Variants in C1orf167 observed in about 807,000 individuals in gnomAD.
The protein encoded by C1orf167 is uncharacterized protein C1orf167.
In C1orf167, 153 loss-of-function variants were observed where a neutral mutation model predicts 176.5. The ratio of observed to expected loss-of-function variants is 0.87; its 90% CI spans 0.76 to 0.99. C1orf167 has a LOEUF of 0.99. Ranked by LOEUF, C1orf167 falls within the 50% of genes least tolerant of loss-of-function variation. C1orf167 has a pLI of 0.00. For synonymous variants in C1orf167, 594 were observed against 752.7 expected (o/e 0.79, Z 3.45); for missense variants, 1,490 against 1,817.7 (o/e 0.82, Z 3.28).
At chr1:11,788,999 GCATGGCTGCCACTCA>G (rs1208552738) in intron 20 of C1orf167, 2 of 383,970 alleles carry the variant, frequency 5.2e-6, no homozygotes, top group African/African-American at 4.2e-5. Context: ...GTGGCATGAG[GCATGGCTGCCACTCA>G]CACTAGCCCA....
chr1:11,764,386 C>T lies in C1orf167; in HGVS notation c.-15C>T. The T allele has an allele frequency of 7.8e-7, 1 of 1,289,196 alleles. No individual in the cohort carries two copies. The highest frequency in any genetic ancestry group is 1.0e-6 in the Non-Finnish European group (1 of 988,644). 79.9% of individuals were successfully genotyped at this position (1,289,196 alleles called of 1,614,324 possible). ...CACTGTGGAGTGGACCAAGGATACT[C>T]CTGTCCCTGAGCCCATGGAGCTAAG... On this transcript the variant is annotated 5_prime_UTR_variant, in exon 2 of 21. Coordinates refer to ENST00000688073, the MANE Select transcript of C1orf167 (RefSeq NM_001010881.2).
In C1orf167 at chr1:11,789,397, C is replaced by G. The variant is rs369053847; in HGVS notation, c.4301C>G (p.Pro1434Arg). 2 of 1,303,002 alleles carry G rather than the reference C, an allele frequency of 1.5e-6. No individual in the cohort carries two copies. The highest frequency in any genetic ancestry group is 2.0e-6 in the Non-Finnish European group (2 of 988,636). The allele number at this position is 1,303,002 out of a possible 1,614,324, so 80.7% of individuals were successfully genotyped here. A position where few individuals can be genotyped will look rare whatever the true frequency, so the allele number is the denominator to read the frequency against. Reference sequence around the variant, plus strand: ...AGTGGACAGGAAGCCGCCAGAGCACCGCGGGGTTGGGGGCTTGGGGCAGAG... The same window carrying G: ...AGTGGACAGGAAGCCGCCAGAGCACGGCGGGGTTGGGGGCTTGGGGCAGAG... Reference protein sequence around the residue: ...PESGQEAARAPRGWGLGAEHG... With the variant: ...PESGQEAARARRGWGLGAEHG... The change falls in exon 21 of 21, where the codon CCG becomes CGG. Residue 1434 changes from proline to arginine, a missense_variant. Coordinates refer to ENST00000688073, the MANE Select transcript of C1orf167 (RefSeq NM_001010881.2).
Position 11,772,149 on chromosome 1 carries a change from C to T in C1orf167, c.1878C>T (p.Thr626=). The T allele has an allele frequency of 7.7e-7, 1 of 1,304,328 alleles. No individual in the cohort carries two copies. Among genetic ancestry groups the T allele is most frequent in the Non-Finnish European group, 1.0e-6 (1 of 988,954 alleles). The allele number at this position is 1,304,328 out of a possible 1,614,324, so 80.8% of individuals were successfully genotyped here. A position where few individuals can be genotyped will look rare whatever the true frequency, so the allele number is the denominator to read the frequency against. The change falls in exon 8 of 21, where the codon ACC becomes ACT. Residue 626 remains threonine (T), a synonymous_variant. Coordinates refer to ENST00000688073, the MANE Select transcript of C1orf167 (RefSeq NM_001010881.2). ...AGAGGGAGACTCTGCGGAAGGCCAC[C>T]AGGGCCACACAGAGGACAGGGAGCT... ...RQERETLRKA[T]RATQRTGSFP...
rs980098073 is a variant in C1orf167 at position 11,779,901 on chromosome 1, C to T, written c.2751C>T (p.Gly917=). Residue 917 remains glycine, a synonymous_variant, in exon 13 of 21, where the codon GGC becomes GGT. Transcript: ENST00000688073. ...AWDRTCRAVL[G]LWRQRLLQSR... ...ATCGGACCTGCAGGGCTGTGCTGGG[C>T]CTGTGGCGTCAGCGGCTGCTGCAGT... 1.5e-6 allele frequency: 2 copies of T among 1,302,986 alleles called. No individual in the cohort carries two copies. Among genetic ancestry groups the T allele is most frequent in the Non-Finnish European group, 2.0e-6 (2 of 988,812 alleles). The allele number at this position is 1,302,986 out of a possible 1,614,324, so 80.7% of individuals were successfully genotyped here.
chr1:11,784,409 G>A lies in C1orf167; in HGVS notation c.3241G>A (p.Ala1081Thr), dbSNP rs1643743441. The A allele has an allele frequency of 7.7e-7, 1 of 1,303,812 alleles. No individual in the cohort carries two copies. Among genetic ancestry groups the A allele is most frequent in the Non-Finnish European group, 1.0e-6 (1 of 988,860 alleles). The allele number at this position is 1,303,812 out of a possible 1,614,324, so 80.8% of individuals were successfully genotyped here. Residue 1081 changes from alanine (A) to threonine (T), a missense_variant, in exon 15 of 21, where the codon GCC becomes ACC. Transcript: ENST00000688073. ...AGATGGGCAGCAGAAGAAGGCCCGG[G>A]CCCCACAGGCCTTCCCAGCATGGCC... Reference protein sequence around the residue: ...QEDGQQKKARAPQAFPAWPVA... With the variant: ...QEDGQQKKARTPQAFPAWPVA...
chr1:11,787,771 TTCCTCCACCC>T (rs1379437783), intron 17 of C1orf167, 92 bp from the exon 18 acceptor site: 1 of 1,170,834 alleles, frequency 8.5e-7, no homozygotes, highest in African/African-American at 1.6e-5. Flanking sequence ...GCTCAGCACC[TTCCTCCACCC>T]TCCTCACTGT....
At chr1:11,763,036 T>G (rs984484681) in intron 1 of C1orf167, among the ~76,000 whole-genome samples, 1 of 151,812 alleles carries the variant, frequency 6.6e-6, no homozygotes, top group Non-Finnish European at 1.5e-5. Context: ...GGCGCTGAGG[T>G]GAGGTCGTGT....
chr1:11,782,178 TC>T lies in C1orf167; in HGVS notation c.2861-10del. 1 of 1,265,696 alleles carries T rather than the reference TC, an allele frequency of 7.9e-7. No homozygotes were observed. The highest frequency in any genetic ancestry group is 1.0e-6 in the Non-Finnish European group (1 of 970,560). The allele number at this position is 1,265,696 out of a possible 1,614,324, so 78.4% of individuals were successfully genotyped here. On this transcript the variant is annotated splice_polypyrimidine_tract_variant and intron_variant, in intron 13 of 20. Transcript: ENST00000688073. ...GCACCCAGTGGCTCTTCAGCATCTC[TC>T]TGGCCCCAGGGCAGCAGTTCCTGCA...
At chr1:11,780,110 C>A in intron 13 of C1orf167, 100 bp downstream of exon 13, 1 of 914,034 alleles carries the variant, frequency 1.1e-6, no homozygotes, top group Non-Finnish European at 1.5e-6. Flanking sequence ...ACTGTAACCG[C>A]ATGGGAGAAC....
rs965098573 is a variant in C1orf167 at position 11,789,368 on chromosome 1, C to T, written c.4272C>T (p.Pro1424=). ...GGAGCAAGCCAGGCCCCAAGGGCCC[C>T]GAGAGTGGACAGGAAGCCGCCAGAG... ...RPWSKPGPKG[P]ESGQEAARAP... The change falls in exon 21 of 21, where the codon CCC becomes CCT. Residue 1424 remains proline (P), a synonymous_variant. Coordinates refer to ENST00000688073, the MANE Select transcript of C1orf167 (RefSeq NM_001010881.2). 7 of 1,303,546 alleles carry T rather than the reference C, an allele frequency of 5.4e-6. No homozygotes were observed. In the Admixed American group the frequency reaches 6.9e-5, roughly 13 times the overall value. The allele number at this position is 1,303,546 out of a possible 1,614,324, so 80.7% of individuals were successfully genotyped here.
rs1642783615 is a variant in C1orf167 at position 11,766,187 on chromosome 1, ACCTCTG to A, written c.404_409del (p.Leu135_Cys136del). On this transcript the variant is annotated inframe_deletion, in exon 3 of 21. Transcript: ENST00000688073. The surrounding 1 kb of genome is among the most constrained non-coding windows in gnomAD (Gnocchi z 4.5). ...AGCATCAACGAGACCAGCAGCCCCC[ACCTCTG>A]CCCAGAGCCTGGGGGAAGCTCTGGG... The A allele has an allele frequency of 1.6e-6, 2 of 1,289,396 alleles. No homozygotes were observed. The highest frequency in any genetic ancestry group is 2.0e-6 in the Non-Finnish European group (2 of 988,754). 79.9% of individuals were successfully genotyped at this position (1,289,396 alleles called of 1,614,324 possible).
intron 8 of C1orf167, 52 bp from the exon 9 acceptor site, chr1:11,775,383 G>T: frequency 8.1e-7 from 1 of 1,229,522 alleles, no homozygotes; most frequent in South Asian, 1.4e-5. Context: ...AGCTGGAGCC[G>T]CAGTCATCAG....
intron 10 of C1orf167, 48 bp from the exon 11 acceptor site, chr1:11,778,612 C>T (rs930898593): frequency 1.0e-5 from 13 of 1,251,666 alleles, no homozygotes; most frequent in African/African-American, 1.5e-5. Context: ...CCACCCTGCA[C>T]AGCCTGAGGG....
At position 11,778,911 on chromosome 1, in the gene C1orf167, C is replaced by T. The variant is rs1488887031; in HGVS notation, c.2497-15C>T. The T allele has an allele frequency of 1.5e-6, 2 of 1,301,364 alleles. No individual in the cohort carries two copies. Among genetic ancestry groups the T allele is most frequent in the Admixed American group, 2.3e-5 (1 of 43,374 alleles). The allele number at this position is 1,301,364 out of a possible 1,614,324, so 80.6% of individuals were successfully genotyped here. Reference sequence around the variant, plus strand: ...ACAGGGTAGGGGACCAAGGACTCCACATCTCCTTCCCCAGGTTCCCAGGGC... The same window carrying T: ...ACAGGGTAGGGGACCAAGGACTCCATATCTCCTTCCCCAGGTTCCCAGGGC... On this transcript the variant is annotated splice_polypyrimidine_tract_variant and intron_variant, in intron 11 of 20. Transcript: ENST00000688073.
chr1:11,770,809 TA>T (rs1643018542), intron 6 of C1orf167, among the ~76,000 whole-genome samples: 1 of 91,760 alleles, frequency 1.1e-5, no homozygotes, highest in African/African-American at 3.4e-5. Flanking sequence ...TACAGTTGGG[TA>T]TTTTTTTTTT....
At chr1:11,784,084 A>G in intron 14 of C1orf167, 90 bp from the exon 15 acceptor site, 1 of 1,146,628 alleles carries the variant, frequency 8.7e-7, no homozygotes, top group Non-Finnish European at 1.1e-6. Flanking sequence ...TCTCAAACTG[A>G]CTTCAGGTGA....
chr1:11,779,242 C>T (rs547422054), intron 12 of C1orf167, 162 bp downstream of exon 12: 85 of 628,988 alleles, frequency 1.4e-4, no homozygotes, highest in Non-Finnish European at 1.8e-4. Context: ...GAGAGGGTGT[C>T]GGGGAGTGGT....
intron 2 of C1orf167, 103 bp downstream of exon 2, chr1:11,764,573 G>C: frequency 1.0e-6 from 1 of 981,324 alleles, no homozygotes; most frequent in Non-Finnish European, 1.4e-6. Flanking sequence ...ATAGGGCCTG[G>C]CTAATTCCAG....
At position 11,775,576 on chromosome 1, in the gene C1orf167, G is replaced by A. The variant is rs1453577436; in HGVS notation, c.2130G>A (p.Lys710=). 1.5e-6 allele frequency: 2 copies of A among 1,303,872 alleles called. No individual in the cohort carries two copies. Among genetic ancestry groups the A allele is most frequent in the Non-Finnish European group, 2.0e-6 (2 of 988,868 alleles). The allele number at this position is 1,303,872 out of a possible 1,614,324, so 80.8% of individuals were successfully genotyped here. The part of the protein sequence containing the change: ...MKQLRESDGA[K]VTQLSLCRQK... ...AGCTCCGGGAATCAGATGGGGCAAA[G>A]GTGACCCAGCTGTCCCTCTGCCGGC... Residue 710 remains lysine, a synonymous_variant, in exon 9 of 21, where the codon AAG becomes AAA. Transcript: ENST00000688073.
Sources: allele counts gnomAD v4.1 joint callset (sites outside exome capture counted in the v4.1 genomes callset), GRCh38; gene constraint gnomAD v4.1.1; non-coding constraint Gnocchi (gnomAD v3.1); transcripts MANE v1.5; gene names NCBI Gene and HGNC (gene_info 2026-07-23, HGNC 2026-07-21).